LSM14A: variants seen among roughly 807,000 people sequenced by gnomAD.
LSM14A encodes the protein LSM14A mRNA processing body assembly factor.
In LSM14A, 14 loss-of-function variants were observed where a neutral mutation model predicts 52.4. That is an observed-to-expected ratio of 0.27 (90% confidence interval 0.18 to 0.42). LSM14A has a LOEUF of 0.42. Ranked by LOEUF, LSM14A falls within the 10% of genes least tolerant of loss-of-function variation. The pLI is 1.00. For synonymous variants in LSM14A, 185 were observed against 200.3 expected, an observed-to-expected ratio of 0.92 and a Z score of 0.64; for missense variants, 417 against 581.8, an observed-to-expected ratio of 0.72 and a Z score of 2.91.
chr19:34,173,407 C>T lies in LSM14A; in HGVS notation c.121+644C>T, dbSNP rs148317306. On this transcript the variant is annotated intron_variant, in intron 1 of 9. Coordinates refer to ENST00000544216, the MANE Select transcript of LSM14A (RefSeq NM_015578.4). ...TTAGGGCGCGTGGTAAAAATGCTTG[C>T]TGCTGCCCCGACGCCCCTGTTTCTG... Among the ~76,000 whole-genome samples, 1,295 of 152,296 alleles carry T rather than the reference C, an allele frequency of 8.5e-3. 11 individuals are homozygous for T. Among genetic ancestry groups the T allele is most frequent in the South Asian group, 0.021 (101 of 4,820 alleles).
At chr19:34,221,389 T>C in intron 8 of LSM14A, 118 bp from the exon 9 acceptor site, 1 of 1,184,382 alleles carries the variant, frequency 8.4e-7, no homozygotes, top group East Asian at 2.6e-5. Context: ...GCCAAGATGC[T>C]TATTTCTAAT....
At chr19:34,176,546 T>TA (rs1376826191) in intron 1 of LSM14A, among the ~76,000 whole-genome samples, 1 of 152,164 alleles carries the variant, frequency 6.6e-6, no homozygotes, top group Non-Finnish European at 1.5e-5. Context: ...CTCTAAATAA[T>TA]AGAGTTTAAT....
At chr19:34,221,822 T>C (rs2073084970) in intron 9 of LSM14A, 84 bp downstream of exon 9, 1 of 1,496,078 alleles carries the variant, frequency 6.7e-7, no homozygotes, top group East Asian at 2.4e-5. Flanking sequence ...TTGTTTTGGG[T>C]GAATTGTTTT....
At chr19:34,204,630 CT>C (rs1428397794) in intron 3 of LSM14A, among the ~76,000 whole-genome samples, 10 of 151,700 alleles carry the variant, frequency 6.6e-5, no homozygotes, top group Admixed American at 2.0e-4. Flanking sequence ...GGGTGGGAGA[CT>C]TGATTGAGCC....
At chr19:34,182,276 C>T (rs1385968054) in intron 1 of LSM14A, among the ~76,000 whole-genome samples, 1 of 152,128 alleles carries the variant, frequency 6.6e-6, no homozygotes, top group Admixed American at 6.6e-5. Flanking sequence ...TTTTCTTGTG[C>T]TTGACTGGTT....
At chr19:34,205,637 G>C (rs1011552688) in intron 3 of LSM14A, among the ~76,000 whole-genome samples, 3 of 151,844 alleles carry the variant, frequency 2.0e-5, no homozygotes, top group African/African-American at 7.3e-5. Context: ...AACTATGATT[G>C]TGCCACTGCC....
At position 34,202,167 on chromosome 19, in the gene LSM14A, TTTTTG is replaced by T. The variant is rs541306081; in HGVS notation, c.415+5429_415+5433del. ...TTTTCCATTTGGTTGGTTGGTTTGG[TTTTTG>T]TTTTGTTTTGTTTTGTTTTGTTTTT... On this transcript the variant is annotated intron_variant, in intron 3 of 9. Transcript: ENST00000544216. Among the ~76,000 whole-genome samples, 155 of 147,886 alleles carry T rather than the reference TTTTTG, an allele frequency of 1.0e-3. 2 individuals carry two copies. In the South Asian group the frequency reaches 0.012, roughly 11 times the overall value.
intron 1 of LSM14A, among the ~76,000 whole-genome samples, chr19:34,181,334 C>T (rs1022136506): frequency 6.6e-6 from 1 of 152,116 alleles, no homozygotes; most frequent in Non-Finnish European, 1.5e-5. Context: ...TAATGATTAC[C>T]CCATTTCTAT....
chr19:34,197,255 T>A (rs2070913042), intron 3 of LSM14A, among the ~76,000 whole-genome samples: 1 of 151,838 alleles, frequency 6.6e-6, no homozygotes, highest in South Asian at 2.1e-4. Context: ...CACACCCAGC[T>A]AATTTTTGTA....
At position 34,219,972 on chromosome 19, in the gene LSM14A, ATTGTT is replaced by A. The variant is rs149788131; in HGVS notation, c.1136+109_1136+113del. On this transcript the variant is annotated intron_variant, in intron 8 of 9. Transcript: ENST00000544216. ...ACGAGGTTTAATGAATACTACCATAATTGTTTTGTTTTGTTTTGAGACAGTCTTAC... is the reference window on the plus strand; with the variant it reads ...ACGAGGTTTAATGAATACTACCATAATTGTTTTGTTTTGAGACAGTCTTAC... The A allele has an allele frequency of 4.5e-3, 4,042 of 908,218 alleles. 12 individuals are homozygous for A. The highest frequency in any genetic ancestry group is 7.9e-3 in the African/African-American group (475 of 60,196). 56.3% of individuals were successfully genotyped at this position (908,218 alleles called of 1,614,324 possible). A position where few individuals can be genotyped will look rare whatever the true frequency, so the allele number is the denominator to read the frequency against.
At chr19:34,209,645 G>T (rs534717330) in intron 4 of LSM14A, among the ~76,000 whole-genome samples, 1 of 152,018 alleles carries the variant, frequency 6.6e-6, no homozygotes, top group Admixed American at 6.6e-5. Context: ...ATTTTAAATG[G>T]TTATCCATAC....
intron 1 of LSM14A, among the ~76,000 whole-genome samples, chr19:34,181,755 A>G (rs374138799): frequency 2.0e-5 from 3 of 152,048 alleles, no homozygotes; most frequent in Non-Finnish European, 4.4e-5. Context: ...TCATCCATCT[A>G]GTTCCTGGTT....
chr19:34,185,418 T>C (rs1422757987), intron 1 of LSM14A, among the ~76,000 whole-genome samples: 2 of 152,152 alleles, frequency 1.3e-5, no homozygotes, highest in African/African-American at 2.4e-5. Flanking sequence ...TAATATTTGC[T>C]AACAGGAAGA....
chr19:34,174,254 T>C (rs1318691639), intron 1 of LSM14A, among the ~76,000 whole-genome samples: 1 of 152,194 alleles, frequency 6.6e-6, no homozygotes, highest in Non-Finnish European at 1.5e-5. Flanking sequence ...CAGCCTCTGG[T>C]AAATCTTTTT....
At chr19:34,175,932 T>C (rs1212411959) in intron 1 of LSM14A, among the ~76,000 whole-genome samples, 1 of 152,148 alleles carries the variant, frequency 6.6e-6, no homozygotes, top group African/African-American at 2.4e-5. Context: ...CTTGGCTCGC[T>C]GCAGCCTCCA....
intron 1 of LSM14A, among the ~76,000 whole-genome samples, chr19:34,186,666 G>T (rs1156400646): frequency 6.6e-6 from 1 of 152,194 alleles, no homozygotes; most frequent in African/African-American, 2.4e-5. Context: ...CAGAAAACCT[G>T]ATCTGTGAAC....
intron 3 of LSM14A, among the ~76,000 whole-genome samples, chr19:34,198,789 A>G (rs1005241592): frequency 1.3e-5 from 2 of 152,136 alleles, no homozygotes; most frequent in African/African-American, 2.4e-5. Flanking sequence ...GATCGAGACC[A>G]TCCTGGCTAA....
chr19:34,179,787 G>GT (rs2069344340), intron 1 of LSM14A, among the ~76,000 whole-genome samples: 1 of 152,212 alleles, frequency 6.6e-6, no homozygotes, highest in South Asian at 2.1e-4. Context: ...AATAATAGCA[G>GT]TAACTACAGA....
intron 1 of LSM14A, among the ~76,000 whole-genome samples, chr19:34,187,019 C>T (rs2069959258): frequency 2.0e-5 from 3 of 151,360 alleles, no homozygotes. Flanking sequence ...GCGGGCAGAT[C>T]ATAAGGTCAG....
Sources: gnomAD v4.1 joint callset for allele counts (sites outside exome capture counted in the v4.1 genomes callset) on GRCh38, gnomAD v4.1.1 for gene constraint, MANE v1.5 for transcripts, NCBI Gene and HGNC (gene_info 2026-07-23, HGNC 2026-07-21) for gene names.